FSHR: variants seen among roughly 807,000 people sequenced by gnomAD.
FSHR encodes follicle stimulating hormone receptor, also known as follicle-stimulating hormone receptor.
A neutral mutation model predicts 52.1 loss-of-function variants in FSHR; 46 were observed. That is an observed-to-expected ratio of 0.88 (90% confidence interval 0.70 to 1.13). The LOEUF (loss-of-function observed/expected upper bound fraction) is 1.13, where lower values mean the gene tolerates loss of function less well. Ranked by LOEUF, FSHR falls within the 50% of genes most tolerant of loss-of-function variation. The pLI is 0.00. For synonymous variants in FSHR, 399 were observed against 309.6 expected (o/e 1.29, Z -3.03); for missense variants, 964 against 834.6 (o/e 1.16, Z -1.91).
chr2:49,095,602 C>A (rs1363859165), intron 1 of FSHR, among the ~76,000 whole-genome samples: 3 of 151,840 alleles, frequency 2.0e-5, no homozygotes, highest in Non-Finnish European at 4.4e-5. Context: ...AAAGCATAAA[C>A]AAAAGAAAAA....
chr2:49,131,270 A>C (rs62162141), intron 1 of FSHR, among the ~76,000 whole-genome samples: 21,986 of 152,166 alleles, frequency 0.14, 1,637 homozygotes, highest in East Asian at 0.23. Flanking sequence ...AATTCAAGTT[A>C]ATTCTAGGAA....
intron 8 of FSHR, among the ~76,000 whole-genome samples, chr2:48,973,672 T>A (rs901314328): frequency 1.6e-4 from 24 of 152,230 alleles, no homozygotes; most frequent in African/African-American, 5.8e-4. Flanking sequence ...TCCTTGAAGG[T>A]ATAAGGCTCT....
intron 1 of FSHR, among the ~76,000 whole-genome samples, chr2:49,086,506 G>A (rs1670397279): frequency 6.6e-6 from 1 of 152,174 alleles, no homozygotes; most frequent in Non-Finnish European, 1.5e-5. Flanking sequence ...CAGTCCGAGT[G>A]GGCTTCAGAA....
intron 8 of FSHR, among the ~76,000 whole-genome samples, chr2:48,969,594 A>T (rs947980563): frequency 9.9e-5 from 15 of 152,226 alleles, no homozygotes; most frequent in African/African-American, 2.9e-4. Context: ...TTAAAATTAG[A>T]TGAGTTAAAG....
chr2:49,072,717 CTT>C, intron 1 of FSHR, among the ~76,000 whole-genome samples: 1 of 152,076 alleles, frequency 6.6e-6, no homozygotes, highest in Non-Finnish European at 1.5e-5. Context: ...TTAAGTTTCT[CTT>C]TGAGTTTATT....
At chr2:49,028,291 G>A (rs1348488214) in intron 2 of FSHR, among the ~76,000 whole-genome samples, 2 of 152,178 alleles carry the variant, frequency 1.3e-5, no homozygotes, top group Non-Finnish European at 2.9e-5. Flanking sequence ...TAAATGCTCT[G>A]CATGGGTAAT....
intron 2 of FSHR, among the ~76,000 whole-genome samples, chr2:49,064,599 G>T (rs577229460): frequency 6.6e-6 from 1 of 152,170 alleles, no homozygotes; most frequent in Admixed American, 6.6e-5. Context: ...GCAGTATTTT[G>T]TTATAGCAGC....
intron 2 of FSHR, among the ~76,000 whole-genome samples, chr2:49,054,013 G>C (rs1668963878): frequency 6.6e-6 from 1 of 152,170 alleles, no homozygotes; most frequent in Admixed American, 6.5e-5. Flanking sequence ...AGAAAATAAA[G>C]ATGTGTGAAC....
rs763149864 is a variant in FSHR, at chr2:49,146,338, C to T, written c.152+7928G>A. The stretch of plus-strand genomic sequence containing the variant: ...AAAGTCTAGTGCTCAAGGATGTGGC[C>T]CTTTCATATAAGGGGCCTTTCTTTC... On this transcript the variant is annotated intron_variant, in intron 1 of 9. Coordinates refer to ENST00000406846, the MANE Select transcript of FSHR (RefSeq NM_000145.4). 1.1e-4 allele frequency among the ~76,000 whole-genome samples: 16 copies of T among 151,922 alleles called. 1 individual carries two copies. The highest frequency in any genetic ancestry group is 2.1e-4 in the South Asian group (1 of 4,820).
intron 1 of FSHR, among the ~76,000 whole-genome samples, chr2:49,102,184 G>A (rs911580195): frequency 1.3e-5 from 2 of 152,114 alleles, no homozygotes; most frequent in Non-Finnish European, 2.9e-5. Context: ...CTGGCTATTT[G>A]CCCAGATGTG....
intron 8 of FSHR, among the ~76,000 whole-genome samples, chr2:48,980,399 G>T (rs1485320908): frequency 6.6e-6 from 1 of 152,188 alleles, no homozygotes; most frequent in Non-Finnish European, 1.5e-5. Flanking sequence ...AATTGCTTCC[G>T]ATGCTTTCAC....
At chr2:49,018,823 A>C (rs1300024507) in intron 3 of FSHR, among the ~76,000 whole-genome samples, 1 of 128,876 alleles carries the variant, frequency 7.8e-6, no homozygotes, top group Admixed American at 7.8e-5. Flanking sequence ...AAATTCACAC[A>C]CACGCGCATG....
chr2:49,034,851 C>G (rs774207890), intron 2 of FSHR, among the ~76,000 whole-genome samples: 7 of 152,212 alleles, frequency 4.6e-5, no homozygotes, highest in Admixed American at 2.6e-4. Context: ...GCATTTCTCA[C>G]CCCTGGAGAA....
intron 4 of FSHR, among the ~76,000 whole-genome samples, chr2:48,996,268 T>A (rs568195164): frequency 6.6e-6 from 1 of 152,236 alleles, no homozygotes; most frequent in Admixed American, 6.5e-5. Context: ...AGGGCAATGA[T>A]GGATAAGACT....
chr2:49,123,766 A>T (rs992469799), intron 1 of FSHR, among the ~76,000 whole-genome samples: 7 of 152,262 alleles, frequency 4.6e-5, no homozygotes, highest in Non-Finnish European at 8.8e-5. Flanking sequence ...ATTCAGTAGA[A>T]GCACTGGGAG....
intron 1 of FSHR, among the ~76,000 whole-genome samples, chr2:49,087,070 G>GTTTTTTTTT (rs56890721): frequency 0.01 from 872 of 86,696 alleles, 68 homozygotes; most frequent in Non-Finnish European, 0.013. Flanking sequence ...TGTGGGCAGG[G>GTTTTTTTTT]TTTTTTTTTT....
At chr2:48,986,390 A>G (rs1207981254) in intron 6 of FSHR, among the ~76,000 whole-genome samples, 1 of 103,786 alleles carries the variant, frequency 9.6e-6, no homozygotes, top group African/African-American at 3.5e-5. Context: ...GCCATTTGCC[A>G]TGCTTTTTTT....
intron 1 of FSHR, among the ~76,000 whole-genome samples, chr2:49,153,769 C>T (rs1271667674): frequency 6.6e-6 from 1 of 152,056 alleles, no homozygotes; most frequent in African/African-American, 2.4e-5. Context: ...CTCCTTTTTA[C>T]ACCCAAAAGC....
At chr2:49,138,731 T>C (rs916409908) in intron 1 of FSHR, among the ~76,000 whole-genome samples, 1 of 152,206 alleles carries the variant, frequency 6.6e-6, no homozygotes, top group Non-Finnish European at 1.5e-5. Context: ...AGTTTTTCTT[T>C]TCAGATGATA....
Sources: gnomAD v4.1 joint callset for allele counts (sites outside exome capture counted in the v4.1 genomes callset) on GRCh38, gnomAD v4.1.1 for gene constraint, MANE v1.5 for transcripts, NCBI Gene and HGNC (gene_info 2026-07-23, HGNC 2026-07-21) for gene names.